Variants in LRP10 observed in about 807,000 individuals in gnomAD.
LRP10 encodes low-density lipoprotein receptor-related protein 10.
Under a neutral mutation model 58.5 loss-of-function variants are expected in LRP10, and 42 were observed. The observed-to-expected ratio is 0.72, with a 90% CI of 0.56 to 0.93. The LOEUF (loss-of-function observed/expected upper bound fraction) is 0.93. Among genes scored for constraint, LRP10 ranks in the 40% least tolerant of loss-of-function variants. LRP10 has a pLI of 0.00. For synonymous variants in LRP10, 377 were observed against 388.5 expected, an observed-to-expected ratio of 0.97 and a Z score of 0.35; for missense variants, 872 against 940.1, an observed-to-expected ratio of 0.93 and a Z score of 0.95.
rs765714507 is a variant in LRP10, at chr14:22,876,701, C to T, written c.1437C>T (p.Pro479=). The change falls in exon 6 of 7, where the codon CCC becomes CCT. Residue 479 remains proline, a synonymous_variant. Transcript: ENST00000359591. ...TCATTCCTTCTAGCATCTTTGCCCC[C>T]CTCTCCCGGATGGAGGCTGAGATTG... ...IRTQEYSIFA[P]LSRMEAEIVQ... The T allele has an allele frequency of 4.3e-6, 7 of 1,613,736 alleles. No homozygotes were observed. The highest frequency in any genetic ancestry group is 5.1e-6 in the Non-Finnish European group (6 of 1,179,794).
intron 2 of LRP10, 60 bp downstream of exon 2, chr14:22,872,842 G>A (rs757434365): frequency 3.9e-6 from 6 of 1,547,032 alleles, no homozygotes; most frequent in Non-Finnish European, 5.4e-6. Flanking sequence ...AGTCGAGAAG[G>A]ACTCTCTGTT....
At chr14:22,873,233 T>C in intron 2 of LRP10, 78 bp from the exon 3 acceptor site, 1 of 1,535,490 alleles carries the variant, frequency 6.5e-7, no homozygotes, top group Non-Finnish European at 8.8e-7. Flanking sequence ...TTTGGAAACC[T>C]CAAGCCTCCA....
At chr14:22,875,326 C>T in intron 4 of LRP10, 29 bp from the exon 5 acceptor site, 2 of 1,597,180 alleles carry the variant, frequency 1.3e-6, no homozygotes, top group Non-Finnish European at 1.7e-6. Context: ...TCTGGTGCTT[C>T]ACAGCCCCTC....
At chr14:22,872,454 C>T in intron 1 of LRP10, 117 bp downstream of exon 1, 1 of 1,246,098 alleles carries the variant, frequency 8.0e-7, no homozygotes, top group Non-Finnish European at 1.2e-6. Context: ...GCCCCTGCCG[C>T]CAGCCCCAGC....
At position 22,876,112 on chromosome 14, in the gene LRP10, T is replaced by G; in HGVS notation, c.1164T>G (p.Ala388=). The change falls in exon 5 of 7, where the codon GCT becomes GCG. Residue 388 remains alanine, a synonymous_variant. Coordinates refer to ENST00000359591, the MANE Select transcript of LRP10 (RefSeq NM_014045.5). ...GCTGCAACTACCAGACTTTCTGTGC[T>G]GATGGAGCAGATGAGAGACGCTGTC... ...ADRCNYQTFC[A]DGADERRCRH... 6.2e-7 allele frequency: 1 copy of G among 1,614,178 alleles called. No individual in the cohort carries two copies. Among genetic ancestry groups the G allele is most frequent in the Non-Finnish European group, 8.5e-7 (1 of 1,180,050 alleles).
In LRP10 at chr14:22,875,563, T is replaced by A. The variant is rs768219931; in HGVS notation, c.615T>A (p.Ser205=). The A allele has an allele frequency of 1.9e-6, 3 of 1,613,926 alleles. No individual in the cohort carries two copies. The African/African-American group carries it at 4.0e-5, about 22-fold the overall frequency. Residue 205 remains serine (S), a synonymous_variant, in exon 5 of 7, where the codon TCT becomes TCA. Transcript: ENST00000359591. ...AGGACTTCTATGGGGTCTTCTCCTC[T>A]CCTGGATATACACACCTAGCCTCAG... ...TLEDFYGVFS[S]PGYTHLASVS... is the part of the protein sequence containing the mutation.
At position 22,877,165 on chromosome 14, in the gene LRP10, G is replaced by T. The variant is rs1374196277; in HGVS notation, c.1780G>T (p.Gly594Cys). 7.5e-6 allele frequency: 12 copies of T among 1,603,654 alleles called. No individual in the cohort carries two copies. The highest frequency in any genetic ancestry group is 9.4e-6 in the Non-Finnish European group (11 of 1,174,836). The change falls in exon 7 of 7, where the codon GGT becomes TGT. Residue 594 changes from glycine to cysteine, a missense_variant. Coordinates refer to ENST00000359591, the MANE Select transcript of LRP10 (RefSeq NM_014045.5). The surrounding 1 kb of genome is among the most constrained non-coding windows in gnomAD (Gnocchi z 5.1). ...PSAAPLEALD[G>C]GTGPAREGGA... ...TGCTGCTCCCCTTGAGGCCCTAGAT[G>T]GTGGCACAGGTCCAGCCCGTGAGGG...
Position 22,879,767 on chromosome 14 carries a change from G to C in LRP10, c.*2240G>C, listed in dbSNP as rs1406862005. 6.6e-6 allele frequency: 1 copy of C among 152,628 alleles called. No homozygotes were observed. Among genetic ancestry groups the C allele is most frequent in the Non-Finnish European group, 1.5e-5 (1 of 68,336 alleles). The allele number at this position is 152,628 out of a possible 1,614,324, so 9.5% of individuals were successfully genotyped here. The stretch of plus-strand genomic sequence containing the variant: ...AGGTGTAGGTAGTAATAATACTCTT[G>C]TCAGCCACAGTGAAGCCCCAAGCTA... On this transcript the variant is annotated 3_prime_UTR_variant, in exon 7 of 7. Transcript: ENST00000359591.
intron 2 of LRP10, 115 bp from the exon 3 acceptor site, chr14:22,873,196 T>C: frequency 1.5e-6 from 2 of 1,315,698 alleles, no homozygotes; most frequent in Middle Eastern, 2.8e-4. Context: ...GGGCAGATAC[T>C]CTGCTCCTCC....
Position 22,875,812 on chromosome 14 carries a change from C to T in LRP10, c.864C>T (p.His288=). The T allele has an allele frequency of 2.5e-6, 4 of 1,614,204 alleles. No individual in the cohort carries two copies. The highest frequency in any genetic ancestry group is 3.4e-6 in the Non-Finnish European group (4 of 1,180,036). Residue 288 remains histidine, a synonymous_variant, in exon 5 of 7, where the codon CAC becomes CAT. Coordinates refer to ENST00000359591, the MANE Select transcript of LRP10 (RefSeq NM_014045.5). ...TLSGQAVVSY[H]TVAWSNGRGF... ...CTGGCCAGGCTGTTGTGTCCTACCA[C>T]ACAGTTGCTTGGAGCAATGGTCGTG...
chr14:22,875,013 A>T, intron 3 of LRP10, 42 bp from the exon 4 acceptor site: 1 of 1,395,864 alleles, frequency 7.2e-7, no homozygotes, highest in Non-Finnish European at 9.5e-7. Flanking sequence ...AGCCAGCAGC[A>T]GTCAAGAGTA....
chr14:22,877,587 C>T lies in LRP10; in HGVS notation c.*60C>T. ...GGGGGCTCTACTCATAGTGGCACAA[C>T]CTTTTAGAGGTGGGTCAGCCTCCCC... On this transcript the variant is annotated 3_prime_UTR_variant, in exon 7 of 7. Transcript: ENST00000359591. This position sits in a 1 kb window ranked among gnomAD's most constrained non-coding sequence, Gnocchi z 5.1. 7.5e-7 allele frequency: 1 copy of T among 1,334,272 alleles called. No individual in the cohort carries two copies. The highest frequency in any genetic ancestry group is 1.0e-6 in the Non-Finnish European group (1 of 1,001,174). The allele number at this position is 1,334,272 out of a possible 1,614,324, so 82.7% of individuals were successfully genotyped here. A position where few individuals can be genotyped will look rare whatever the true frequency, so the allele number is the denominator to read the frequency against.
intron 3 of LRP10, among the ~76,000 whole-genome samples, chr14:22,874,446 T>C (rs1057396410): frequency 6.6e-6 from 1 of 152,194 alleles, no homozygotes; most frequent in Non-Finnish European, 1.5e-5. Context: ...CTACAACAAC[T>C]GGAATGCAGT....
At position 22,877,436 on chromosome 14, in the gene LRP10, C is replaced by A. The variant is rs2040020855; in HGVS notation, c.2051C>A (p.Ala684Asp). The A allele has an allele frequency of 1.2e-6, 2 of 1,613,594 alleles. No individual in the cohort carries two copies. The highest frequency in any genetic ancestry group is 1.7e-6 in the Non-Finnish European group (2 of 1,179,936). The change falls in exon 7 of 7, where the codon GCC becomes GAC. Residue 684 changes from alanine to aspartate, a missense_variant. Coordinates refer to ENST00000359591, the MANE Select transcript of LRP10 (RefSeq NM_014045.5). This position sits in a 1 kb window ranked among gnomAD's most constrained non-coding sequence, Gnocchi z 5.1. The part of the protein sequence containing the change: ...SPPGPHTAVL[A>D]LEDEDDVLLV... ...CCTGGACCCCACACAGCAGTCCTGG[C>A]CCTGGAAGATGAGGACGATGTGCTA... is the stretch of plus-strand genomic sequence containing the variant.
intron 1 of LRP10, 37 bp from the exon 2 acceptor site, chr14:22,872,699 AGT>A: frequency 6.2e-7 from 1 of 1,606,680 alleles, no homozygotes; most frequent in Non-Finnish European, 8.5e-7. Flanking sequence ...ACTCCTAAGG[AGT>A]GTCTCACGCT....
In LRP10 at chr14:22,877,066, C is replaced by G. The variant is rs1217350615; in HGVS notation, c.1681C>G (p.Arg561Gly). The G allele has an allele frequency of 1.9e-6, 3 of 1,613,736 alleles. No individual in the cohort carries two copies. The highest frequency in any genetic ancestry group is 2.5e-6 in the Non-Finnish European group (3 of 1,179,896). Residue 561 changes from arginine (R) to glycine (G), a missense_variant, in exon 7 of 7, where the codon CGC (arginine) becomes GGC (glycine). By Grantham distance (125) the Arg-to-Gly change is moderately radical (BLOSUM62 -2). Coordinates refer to ENST00000359591, the MANE Select transcript of LRP10 (RefSeq NM_014045.5). This position sits in a 1 kb window ranked among gnomAD's most constrained non-coding sequence, Gnocchi z 5.1. The stretch of plus-strand genomic sequence containing the variant: ...GATGCGACGCCTGGTACGCCGTCTC[C>G]GCCGCTGGGGCTTGCTCCCTCGAAC... ...RLMRRLVRRL[R>G]RWGLLPRTNT... is the part of the protein sequence containing the mutation.
chr14:22,878,905 T>G lies in LRP10; in HGVS notation c.*1378T>G. 7.6e-6 allele frequency: 2 copies of G among 261,626 alleles called. No homozygotes were observed. Among genetic ancestry groups the G allele is most frequent in the Non-Finnish European group, 1.6e-5 (2 of 123,890 alleles). 16.2% of individuals were successfully genotyped at this position (261,626 alleles called of 1,614,324 possible). A position where few individuals can be genotyped will look rare whatever the true frequency, so the allele number is the denominator to read the frequency against. ...CAAAGTGACAGAAGCTGCCCCAGAG[T>G]TTGGAAGGAAGATCGAGGCAGAAGA... is the stretch of plus-strand genomic sequence containing the variant. On this transcript the variant is annotated 3_prime_UTR_variant, in exon 7 of 7. Coordinates refer to ENST00000359591, the MANE Select transcript of LRP10 (RefSeq NM_014045.5).
intron 3 of LRP10, 77 bp downstream of exon 3, chr14:22,873,523 C>CT: frequency 5.0e-6 from 7 of 1,401,900 alleles, no homozygotes; most frequent in South Asian, 2.8e-5. Context: ...TCAGGGATCA[C>CT]TTCTTTTTTT....
rs182869008 is a variant in LRP10, at chr14:22,881,171, G to A, written c.*3644G>A. The A allele has an allele frequency of 6.6e-6, 1 of 152,222 alleles. No individual in the cohort carries two copies. Among genetic ancestry groups the A allele is most frequent in the Non-Finnish European group, 1.5e-5 (1 of 68,052 alleles). 9.4% of individuals were successfully genotyped at this position (152,222 alleles called of 1,614,324 possible). On this transcript the variant is annotated 3_prime_UTR_variant, in exon 7 of 7. Coordinates refer to ENST00000359591, the MANE Select transcript of LRP10 (RefSeq NM_014045.5). ...CAGTCTCTACCAAGTGGTGGATTTAGAGCCGGCATGGCTTCGTTCCAAATC... is the reference window on the plus strand; with the variant it reads ...CAGTCTCTACCAAGTGGTGGATTTAAAGCCGGCATGGCTTCGTTCCAAATC...
Sources: allele counts gnomAD v4.1 joint callset (sites outside exome capture counted in the v4.1 genomes callset), GRCh38; gene constraint gnomAD v4.1.1; non-coding constraint Gnocchi (gnomAD v3.1); transcripts MANE v1.5; gene names NCBI Gene and HGNC (gene_info 2026-07-23, HGNC 2026-07-21).